Variants in GLRA3 observed in about 807,000 individuals in gnomAD.
GLRA3 encodes glycine receptor alpha 3, also known as glycine receptor subunit alpha-3.
Under a neutral mutation model 60.4 loss-of-function variants are expected in GLRA3, and 44 were observed. The observed-to-expected ratio is 0.73, with a 90% confidence interval of 0.57 to 0.94. GLRA3 has a LOEUF of 0.94. Ranked by LOEUF, GLRA3 falls within the 40% of genes least tolerant of loss-of-function variation. The pLI is 0.00. For synonymous variants in GLRA3, 223 were observed against 192.9 expected (o/e 1.16, Z -1.29); for missense variants, 508 against 564.6 (o/e 0.90, Z 1.02).
rs1732516914 is a variant in GLRA3, at chr4:174,637,227, G to C, written c.*6559C>G. The C allele has an allele frequency of 6.6e-6, 1 of 152,030 alleles. No homozygotes were observed. The highest frequency in any genetic ancestry group is 2.4e-5 in the African/African-American group (1 of 41,406). 9.4% of individuals were successfully genotyped at this position (152,030 alleles called of 1,614,324 possible). On this transcript the variant is annotated 3_prime_UTR_variant, in exon 10 of 10. Coordinates refer to ENST00000274093, the MANE Select transcript of GLRA3 (RefSeq NM_006529.4). ...CCATAAAATAGCAATACTTCTTTTG[G>C]TAGTCCTTTAAACAACTTGACTCAC...
rs948030444 is a variant in GLRA3 at position 174,639,028 on chromosome 4, C to A, written c.*4758G>T. The A allele has an allele frequency of 6.6e-6, 1 of 152,158 alleles. No individual in the cohort carries two copies. The highest frequency in any genetic ancestry group is 2.4e-5 in the African/African-American group (1 of 41,446). 9.4% of individuals were successfully genotyped at this position (152,158 alleles called of 1,614,324 possible). On this transcript the variant is annotated 3_prime_UTR_variant, in exon 10 of 10. Coordinates refer to ENST00000274093, the MANE Select transcript of GLRA3 (RefSeq NM_006529.4). ...ACCACAAAAACTACTGAGAAAACCACCTGTTCAGACACTACAAAGTCATCC... is the reference window on the plus strand; with the variant it reads ...ACCACAAAAACTACTGAGAAAACCAACTGTTCAGACACTACAAAGTCATCC...
intron 2 of GLRA3, among the ~76,000 whole-genome samples, chr4:174,777,212 A>T (rs1041614788): frequency 6.6e-6 from 1 of 152,224 alleles, no homozygotes; most frequent in Non-Finnish European, 1.5e-5. Context: ...ATGAGATTTG[A>T]CTTCTTTATG....
chr4:174,815,030 G>A (rs576759086), intron 1 of GLRA3, among the ~76,000 whole-genome samples: 1 of 152,276 alleles, frequency 6.6e-6, no homozygotes, highest in East Asian at 1.9e-4. Context: ...AAAATCAAAA[G>A]CAAGCTAGTT....
chr4:174,760,645 C>T (rs1051557897), intron 3 of GLRA3, among the ~76,000 whole-genome samples: 4 of 152,080 alleles, frequency 2.6e-5, no homozygotes, highest in Admixed American at 1.3e-4. Context: ...CTCAGCCTCC[C>T]GAGTAGCCGG....
chr4:174,647,769 T>C (rs917683692), intron 9 of GLRA3, among the ~76,000 whole-genome samples: 3 of 152,212 alleles, frequency 2.0e-5, no homozygotes, highest in Admixed American at 1.3e-4. Flanking sequence ...TCAACACTTA[T>C]TGAAGGAAAA....
chr4:174,808,497 T>C (rs1336283343), intron 1 of GLRA3, among the ~76,000 whole-genome samples: 2 of 152,132 alleles, frequency 1.3e-5, no homozygotes, highest in Non-Finnish European at 2.9e-5. Context: ...TGATAATAAA[T>C]GTTACTGGTT....
chr4:174,760,938 A>G lies in GLRA3; in HGVS notation c.267+6025T>C, dbSNP rs1737921401. Reference sequence around the variant, plus strand: ...AGTATCTCAAAAAAAACATAAATTTATACCTGAAAAATGAAGCCAAACTAA... The same window carrying G: ...AGTATCTCAAAAAAAACATAAATTTGTACCTGAAAAATGAAGCCAAACTAA... On this transcript the variant is annotated intron_variant, in intron 3 of 9. Coordinates refer to ENST00000274093, the MANE Select transcript of GLRA3 (RefSeq NM_006529.4). Among the ~76,000 whole-genome samples, 3 of 152,352 alleles carry G rather than the reference A, an allele frequency of 2.0e-5. 1 individual carries two copies. In the South Asian group the frequency reaches 6.2e-4, roughly 32 times the overall value.
chr4:174,804,071 G>GTTTGGT (rs1266723802), intron 1 of GLRA3, among the ~76,000 whole-genome samples: 1 of 152,052 alleles, frequency 6.6e-6, no homozygotes, highest in East Asian at 1.9e-4. Context: ...GTATTTAACA[G>GTTTGGT]TTTGGTTTTG....
chr4:174,675,883 A>G (rs1734099288), intron 7 of GLRA3, among the ~76,000 whole-genome samples: 1 of 152,186 alleles, frequency 6.6e-6, no homozygotes, highest in Admixed American at 6.5e-5. Flanking sequence ...AATAAATTGA[A>G]TCATAGAATG....
intron 2 of GLRA3, among the ~76,000 whole-genome samples, chr4:174,785,673 C>G (rs1335793551): frequency 2.0e-5 from 3 of 152,130 alleles, no homozygotes; most frequent in African/African-American, 7.2e-5. Context: ...CAGCTGATTA[C>G]TTATCTAGGT....
intron 4 of GLRA3, among the ~76,000 whole-genome samples, chr4:174,727,658 A>T (rs1415418902): frequency 6.6e-6 from 1 of 152,192 alleles, no homozygotes; most frequent in East Asian, 1.9e-4. Flanking sequence ...CATCAAATAT[A>T]TCATGTAAGT....
At chr4:174,815,524 C>T (rs1740456203) in intron 1 of GLRA3, among the ~76,000 whole-genome samples, 1 of 152,224 alleles carries the variant, frequency 6.6e-6, no homozygotes, top group African/African-American at 2.4e-5. Context: ...ACTTCTGCCT[C>T]ATCATCCAGG....
chr4:174,687,887 G>A (rs538836479), intron 5 of GLRA3, among the ~76,000 whole-genome samples: 1 of 152,226 alleles, frequency 6.6e-6, no homozygotes, highest in South Asian at 2.1e-4. Flanking sequence ...AGGTAGACAA[G>A]TTAGTTTTAA....
intron 1 of GLRA3, among the ~76,000 whole-genome samples, chr4:174,790,180 G>A (rs115828603): frequency 0.022 from 3,319 of 152,096 alleles, 143 homozygotes; most frequent in African/African-American, 0.075. Flanking sequence ...CTGGTTCTGG[G>A]CACTCTGAGT....
chr4:174,680,443 G>T (rs946612139), intron 6 of GLRA3, among the ~76,000 whole-genome samples: 1 of 152,086 alleles, frequency 6.6e-6, no homozygotes, highest in African/African-American at 2.4e-5. Flanking sequence ...GCAGAATTTG[G>T]GCGTTTAACA....
rs181604668 is a variant in GLRA3 at position 174,777,978 on chromosome 4, A to C, written c.199+10838T>G. On this transcript the variant is annotated intron_variant, in intron 2 of 9. Coordinates refer to ENST00000274093, the MANE Select transcript of GLRA3 (RefSeq NM_006529.4). ...TTTATTTTATTTTGTTTTTCAGCAA[A>C]TGGAGACAAAGCTAGAATATCCTAC... Among the ~76,000 whole-genome samples the C allele has an allele frequency of 2.2e-4, 33 of 152,300 alleles. No individual in the cohort carries two copies. In the East Asian group the frequency reaches 4.6e-3, roughly 21 times the overall value.
chr4:174,808,912 T>TA lies in GLRA3; in HGVS notation c.71+19828dup, dbSNP rs936020112. ...CATTGTTATCAAAGAGTCAAAAATTTAAAAAAATTGAAAGTTTATAAAGTA... is the reference window on the plus strand; with the variant it reads ...CATTGTTATCAAAGAGTCAAAAATTTAAAAAAAATTGAAAGTTTATAAAGTA... On this transcript the variant is annotated intron_variant, in intron 1 of 9. Coordinates refer to ENST00000274093, the MANE Select transcript of GLRA3 (RefSeq NM_006529.4). Among the ~76,000 whole-genome samples the TA allele has an allele frequency of 1.1e-4, 17 of 152,274 alleles. No individual in the cohort carries two copies. In the East Asian group the frequency reaches 3.1e-3, roughly 28 times the overall value.
intron 3 of GLRA3, among the ~76,000 whole-genome samples, chr4:174,734,588 G>T (rs1346390523): frequency 6.7e-6 from 1 of 148,362 alleles, no homozygotes; most frequent in African/African-American, 2.6e-5. Flanking sequence ...CTAGAAAAAA[G>T]AAGATTTTAA....
chr4:174,690,565 A>G (rs1290023724), intron 5 of GLRA3, among the ~76,000 whole-genome samples: 3 of 152,200 alleles, frequency 2.0e-5, no homozygotes, highest in Non-Finnish European at 4.4e-5. Context: ...ATACGTAAAC[A>G]CATGTCACAG....
Sources: gnomAD v4.1 joint callset for allele counts (sites outside exome capture counted in the v4.1 genomes callset) on GRCh38, gnomAD v4.1.1 for gene constraint, MANE v1.5 for transcripts, NCBI Gene and HGNC (gene_info 2026-07-23, HGNC 2026-07-21) for gene names.